The following AGAP1 variants were observed in gnomAD, a reference collection of about 807,000 sequenced individuals.
The protein encoded by AGAP1 is ArfGAP with GTPase domain, ankyrin repeat and PH domain 1, also known as arf-GAP with GTPase, ANK repeat and PH domain-containing protein 1.
In AGAP1, 29 loss-of-function variants were observed where a neutral mutation model predicts 105.3. The observed-to-expected ratio is 0.28, with a 90% CI of 0.21 to 0.38. The LOEUF (loss-of-function observed/expected upper bound fraction) is 0.38. Ranked by LOEUF, AGAP1 falls within the 10% of genes least tolerant of loss-of-function variation. AGAP1 has a pLI of 1.00. For synonymous variants in AGAP1, 509 were observed against 485.9 expected, an observed-to-expected ratio of 1.05 and a Z score of -0.63; for missense variants, 998 against 1,165.1, an observed-to-expected ratio of 0.86 and a Z score of 2.09.
At chr2:235,651,809 T>C (rs1224259725) in intron 1 of AGAP1, among the ~76,000 whole-genome samples, 5 of 152,198 alleles carry the variant, frequency 3.3e-5, no homozygotes, top group Non-Finnish European at 5.9e-5. Flanking sequence ...ATTTTCATAG[T>C]AATTGACAGG....
At position 235,737,543 on chromosome 2, in the gene AGAP1, G is replaced by A. The variant is rs781717974; in HGVS notation, c.311-3420G>A. Among the ~76,000 whole-genome samples the A allele has an allele frequency of 1.1e-4, 16 of 152,148 alleles. No individual in the cohort carries two copies. Among genetic ancestry groups the A allele is most frequent in the Non-Finnish European group, 1.8e-4 (12 of 68,028 alleles). ...TCAGTGCCCTCCTAGGGAACCTTTCGTAACTTGAATATTGTGATTCAGCCA... is the reference window on the plus strand; with the variant it reads ...TCAGTGCCCTCCTAGGGAACCTTTCATAACTTGAATATTGTGATTCAGCCA... On this transcript the variant is annotated intron_variant, in intron 3 of 17. Coordinates refer to ENST00000304032, the MANE Select transcript of AGAP1 (RefSeq NM_001037131.3). This position sits in a 1 kb window ranked among gnomAD's most constrained non-coding sequence, Gnocchi z 4.5.
At position 235,777,982 on chromosome 2, in the gene AGAP1, C is replaced by CCT. The variant is rs1244457057; in HGVS notation, c.674-19774_674-19773dup. Among the ~76,000 whole-genome samples, 1 of 152,190 alleles carries CCT rather than the reference C, an allele frequency of 6.6e-6. No homozygotes were observed. Among genetic ancestry groups the CCT allele is most frequent in the Admixed American group, 6.5e-5 (1 of 15,284 alleles). ...TCTGCCCTGAGCCCGCTGCCCTCAC[C>CCT]CTCTGCCTCAGACCTGGGCGATCTC... On this transcript the variant is annotated intron_variant, in intron 6 of 17. Coordinates refer to ENST00000304032, the MANE Select transcript of AGAP1 (RefSeq NM_001037131.3). The surrounding 1 kb of genome is among the most constrained non-coding windows in gnomAD (Gnocchi z 5.1).
chr2:235,529,475 G>C (rs541996245), intron 1 of AGAP1, among the ~76,000 whole-genome samples: 1 of 152,310 alleles, frequency 6.6e-6, no homozygotes, highest in South Asian at 2.1e-4. Context: ...GATTGAACTG[G>C]CAGGAGGTGC....
In AGAP1 at chr2:235,718,691, G is replaced by A. The variant is rs146052100; in HGVS notation, c.310+1047G>A. 2.6e-5 allele frequency among the ~76,000 whole-genome samples: 4 copies of A among 152,282 alleles called. No individual in the cohort carries two copies. In the East Asian group the frequency reaches 5.8e-4, roughly 22 times the overall value. On this transcript the variant is annotated intron_variant, in intron 3 of 17. Transcript: ENST00000304032. The stretch of plus-strand genomic sequence containing the variant: ...AAAAGTGGCTTGAGGCTCTGCCACC[G>A]TTTTGCAGAATTGTGTAGTCATGTC...
intron 1 of AGAP1, among the ~76,000 whole-genome samples, chr2:235,500,138 G>A (rs1411440032): frequency 1.3e-5 from 2 of 152,240 alleles, no homozygotes; most frequent in Admixed American, 1.3e-4. Context: ...CTAAATCTTG[G>A]CAGCTTTTTC....
intron 9 of AGAP1, among the ~76,000 whole-genome samples, chr2:235,839,303 G>T (rs965538622): frequency 2.0e-5 from 3 of 152,238 alleles, no homozygotes; most frequent in Non-Finnish European, 4.4e-5. Flanking sequence ...ATGCCCACGG[G>T]TGTGGGCGTG....
At chr2:235,652,832 T>G (rs912958819) in intron 1 of AGAP1, among the ~76,000 whole-genome samples, 12 of 151,468 alleles carry the variant, frequency 7.9e-5, no homozygotes, top group Non-Finnish European at 1.6e-4. Context: ...GGGAGCAGGG[T>G]GGGCAGAGGT....
chr2:235,577,365 C>A lies in AGAP1; in HGVS notation c.163+82516C>A, dbSNP rs1444553339. ...GCCACATTTTAGTGCTCAGTAGCAC[C>A]TGTGGCTGGAGCTACTGTATTGGGC... On this transcript the variant is annotated intron_variant, in intron 1 of 17. Transcript: ENST00000304032. This position sits in a 1 kb window ranked among gnomAD's most constrained non-coding sequence, Gnocchi z 4.5. Among the ~76,000 whole-genome samples the A allele has an allele frequency of 6.6e-6, 1 of 152,148 alleles. No individual in the cohort carries two copies. Among genetic ancestry groups the A allele is most frequent in the East Asian group, 1.9e-4 (1 of 5,182 alleles).
At position 235,577,160 on chromosome 2, in the gene AGAP1, G is replaced by T. The variant is rs1559262084; in HGVS notation, c.163+82311G>T. Among the ~76,000 whole-genome samples, 3 of 152,116 alleles carry T rather than the reference G, an allele frequency of 2.0e-5. No individual in the cohort carries two copies. Among genetic ancestry groups the T allele is most frequent in the South Asian group, 2.1e-4 (1 of 4,820 alleles). ...TTAAAGTTTTCTACTAGCTACATTA[G>T]AAAAAATAAAAGAAACAGATGAAAT... On this transcript the variant is annotated intron_variant, in intron 1 of 17. Coordinates refer to ENST00000304032, the MANE Select transcript of AGAP1 (RefSeq NM_001037131.3). This position sits in a 1 kb window ranked among gnomAD's most constrained non-coding sequence, Gnocchi z 4.5.
intron 1 of AGAP1, among the ~76,000 whole-genome samples, chr2:235,630,346 G>A (rs1395411303): frequency 2.6e-5 from 4 of 152,184 alleles, no homozygotes; most frequent in African/African-American, 4.8e-5. Context: ...GAGTAGTTGG[G>A]ATTACAGGTG....
rs1224615826 is a variant in AGAP1, at chr2:235,740,799, T to C, written c.311-164T>C. Among the ~76,000 whole-genome samples the C allele has an allele frequency of 6.6e-6, 1 of 152,242 alleles. No homozygotes were observed. Among genetic ancestry groups the C allele is most frequent in the African/African-American group, 2.4e-5 (1 of 41,464 alleles). On this transcript the variant is annotated intron_variant, in intron 3 of 17. Coordinates refer to ENST00000304032, the MANE Select transcript of AGAP1 (RefSeq NM_001037131.3). The surrounding 1 kb of genome is among the most constrained non-coding windows in gnomAD (Gnocchi z 5.7). ...TTAAAGACAAACATTTAAATCTGAG[T>C]TCGGCTCTGTTAAAATTCAGCATTT...
At position 235,977,515 on chromosome 2, in the gene AGAP1, T is replaced by G. The variant is rs1395758529; in HGVS notation, c.1645+8892T>G. 2.0e-5 allele frequency among the ~76,000 whole-genome samples: 3 copies of G among 152,132 alleles called. No individual in the cohort carries two copies. The highest frequency in any genetic ancestry group is 7.2e-5 in the African/African-American group (3 of 41,446). ...ATGTTCAGCAGCAAGGTATGAGAGG[T>G]CCGCATCTCATGCACGAGGGTGTTT... is the stretch of plus-strand genomic sequence containing the variant. On this transcript the variant is annotated intron_variant, in intron 13 of 17. Coordinates refer to ENST00000304032, the MANE Select transcript of AGAP1 (RefSeq NM_001037131.3). The surrounding 1 kb of genome is among the most constrained non-coding windows in gnomAD (Gnocchi z 5.2).
intron 16 of AGAP1, among the ~76,000 whole-genome samples, chr2:236,118,484 G>A (rs1291583190): frequency 1.3e-5 from 2 of 151,070 alleles, no homozygotes; most frequent in East Asian, 1.9e-4. Context: ...CTGCCTCCCG[G>A]GTTCAAGCCA....
chr2:236,064,162 G>A (rs1475681638), intron 16 of AGAP1, among the ~76,000 whole-genome samples: 1 of 152,174 alleles, frequency 6.6e-6, no homozygotes, highest in Non-Finnish European at 1.5e-5. Context: ...CTTGGACCAA[G>A]CCAGAATTAG....
In AGAP1 at chr2:235,709,224, C is replaced by T. The variant is rs139445824; in HGVS notation, c.209C>T (p.Pro70Leu). 2.9e-4 allele frequency: 467 copies of T among 1,613,964 alleles called. 1 individual carries two copies. Among genetic ancestry groups the T allele is most frequent in the South Asian group, 4.9e-4 (45 of 91,072 alleles). Residue 70 changes from proline (P) to leucine (L), a missense_variant, in exon 2 of 18, where the codon CCG becomes CTG. Coordinates refer to ENST00000304032, the MANE Select transcript of AGAP1 (RefSeq NM_001037131.3). ...SQEWTLSRSV[P>L]ELKVGIVGNL... Reference sequence around the variant, plus strand: ...GAATGGACGCTGAGTCGATCTGTCCCGGAGCTCAAAGTGGTGAGTGGTTCC... The same window carrying T: ...GAATGGACGCTGAGTCGATCTGTCCTGGAGCTCAAAGTGGTGAGTGGTTCC...
chr2:235,818,933 G>A (rs1189775662), intron 9 of AGAP1, among the ~76,000 whole-genome samples: 1 of 152,112 alleles, frequency 6.6e-6, no homozygotes, highest in Non-Finnish European at 1.5e-5. Flanking sequence ...TTCCTGGTGG[G>A]GCACCAGCAA....
intron 1 of AGAP1, among the ~76,000 whole-genome samples, chr2:235,678,561 T>TG (rs763574541): frequency 6.6e-5 from 10 of 152,158 alleles, no homozygotes; most frequent in Admixed American, 3.9e-4. Context: ...GTGTTGTTGC[T>TG]GGTAGAATTG....
At chr2:235,972,580 GT>G (rs2125366524) in intron 13 of AGAP1, among the ~76,000 whole-genome samples, 1 of 152,316 alleles carries the variant, frequency 6.6e-6, no homozygotes, top group South Asian at 2.1e-4. Flanking sequence ...AAAGAGACCT[GT>G]CCGGCTGTGG....
chr2:235,883,157 A>G lies in AGAP1; in HGVS notation c.1051-188A>G, dbSNP rs972372438. On this transcript the variant is annotated intron_variant, in intron 9 of 17. Coordinates refer to ENST00000304032, the MANE Select transcript of AGAP1 (RefSeq NM_001037131.3). The surrounding 1 kb of genome is among the most constrained non-coding windows in gnomAD (Gnocchi z 4.5). Reference sequence around the variant, plus strand: ...TAGCAGTTAATTATCCAAAAGATCTAGTGTAGCACGTCTCAATGTGTTTGT... The same window carrying G: ...TAGCAGTTAATTATCCAAAAGATCTGGTGTAGCACGTCTCAATGTGTTTGT... Among the ~76,000 whole-genome samples, 5 of 151,946 alleles carry G rather than the reference A, an allele frequency of 3.3e-5. No individual in the cohort carries two copies. The highest frequency in any genetic ancestry group is 1.2e-4 in the African/African-American group (5 of 41,368).
Sources: gnomAD v4.1 joint callset for allele counts (sites outside exome capture counted in the v4.1 genomes callset) on GRCh38, gnomAD v4.1.1 for gene constraint, Gnocchi (gnomAD v3.1) non-coding constraint, MANE v1.5 for transcripts, NCBI Gene and HGNC (gene_info 2026-07-23, HGNC 2026-07-21) for gene names.